ASB18: variants seen among roughly 807,000 people sequenced by gnomAD.
ASB18 encodes the protein ankyrin repeat and SOCS box containing 18.
ASB18 carries 33 observed loss-of-function variants against 33.4 expected under a neutral mutation model. That is an observed-to-expected ratio of 0.99 (90% confidence interval 0.75 to 1.32). The LOEUF (loss-of-function observed/expected upper bound fraction) is 1.32. ASB18 is among the 40% of genes most tolerant of loss of function. The pLI is 0.00. For missense variants in ASB18, 694 were observed against 655.5 expected (o/e 1.06, Z -0.64); for synonymous variants, 295 against 307.6 (o/e 0.96, Z 0.43).
chr2:236,237,716 T>TGCAGAGGC lies in ASB18; in HGVS notation c.561_568dup (p.His190ArgfsTer70). ...GAGCGAGGCGGCCGTGCGGCAGAGG[T>TGCAGAGGC]GCAGAGGCGCCAGGCCCTCGGCGCT... On this transcript the variant is annotated frameshift_variant, in exon 3 of 6. Transcript: ENST00000409749. LOFTEE classifies it high-confidence loss of function. The surrounding 1 kb of genome is among the most constrained non-coding windows in gnomAD (Gnocchi z 6.2). 1 of 1,459,008 alleles carries TGCAGAGGC rather than the reference T, an allele frequency of 6.9e-7. No individual in the cohort carries two copies. Among genetic ancestry groups the TGCAGAGGC allele is most frequent in the Middle Eastern group, 2.4e-4 (1 of 4,106 alleles). 90.4% of individuals were successfully genotyped at this position (1,459,008 alleles called of 1,614,324 possible). A position where few individuals can be genotyped will look rare whatever the true frequency, so the allele number is the denominator to read the frequency against.
At position 236,203,252 on chromosome 2, in the gene ASB18, G is replaced by A. The variant is rs75272412; in HGVS notation, c.1102-6867C>T. 0.027 allele frequency among the ~76,000 whole-genome samples: 4,152 copies of A among 152,254 alleles called. 179 individuals are homozygous for A. Among genetic ancestry groups the A allele is most frequent in the African/African-American group, 0.086 (3,568 of 41,528 alleles). ...TGGTCATATGAGGGGGAGTTCAGGG[G>A]AAGATTTCTGGAAGAAGTGACATCC... On this transcript the variant is annotated intron_variant, in intron 4 of 5. Coordinates refer to ENST00000409749, the MANE Select transcript of ASB18 (RefSeq NM_212556.4). This position sits in a 1 kb window ranked among gnomAD's most constrained non-coding sequence, Gnocchi z 6.0.
chr2:236,200,028 A>G lies in ASB18; in HGVS notation c.1102-3643T>C, dbSNP rs147404203. Among the ~76,000 whole-genome samples, 1 of 152,282 alleles carries G rather than the reference A, an allele frequency of 6.6e-6. No individual in the cohort carries two copies. Among genetic ancestry groups the G allele is most frequent in the East Asian group, 1.9e-4 (1 of 5,178 alleles). ...ATTTTAAAGAAATTTAGCATTGCAT[A>G]GATAACAGTCAAGGTCCATTAGAAA... On this transcript the variant is annotated intron_variant, in intron 4 of 5. Coordinates refer to ENST00000409749, the MANE Select transcript of ASB18 (RefSeq NM_212556.4). This position sits in a 1 kb window ranked among gnomAD's most constrained non-coding sequence, Gnocchi z 4.2.
chr2:236,196,993 C>CT lies in ASB18; in HGVS notation c.1102-609dup, dbSNP rs879923944. On this transcript the variant is annotated intron_variant, in intron 4 of 5. Coordinates refer to ENST00000409749, the MANE Select transcript of ASB18 (RefSeq NM_212556.4). The surrounding 1 kb of genome is among the most constrained non-coding windows in gnomAD (Gnocchi z 5.6). ...ACACTATTTGCTTTTAAAAAATAAA[C>CT]TTTTTTTTGTTATGGAGAAGTTTGA... Among the ~76,000 whole-genome samples the CT allele has an allele frequency of 2.7e-3, 411 of 152,146 alleles. 2 individuals are homozygous for CT. The highest frequency in any genetic ancestry group is 7.2e-3 in the African/African-American group (297 of 41,528).
chr2:236,204,413 C>T lies in ASB18; in HGVS notation c.1102-8028G>A, dbSNP rs1054794642. Among the ~76,000 whole-genome samples, 3 of 152,190 alleles carry T rather than the reference C, an allele frequency of 2.0e-5. No homozygotes were observed. The highest frequency in any genetic ancestry group is 2.1e-4 in the South Asian group (1 of 4,824). ...GTTTCCTTAGCTGCTGTCTCATCTC[C>T]GTCCTTCAGATGTTCGACCATCCCT... On this transcript the variant is annotated intron_variant, in intron 4 of 5. Coordinates refer to ENST00000409749, the MANE Select transcript of ASB18 (RefSeq NM_212556.4). The surrounding 1 kb of genome is among the most constrained non-coding windows in gnomAD (Gnocchi z 5.1).
rs528844782 is a variant in ASB18 at position 236,244,360 on chromosome 2, C to T, written c.206-2958G>A. ...CTAAGCAGACCCTCGCCCAGGGAGG[C>T]GGGCATAGCATAAGCCCCCATTTGC... On this transcript the variant is annotated intron_variant, in intron 1 of 5. Coordinates refer to ENST00000409749, the MANE Select transcript of ASB18 (RefSeq NM_212556.4). This position sits in a 1 kb window ranked among gnomAD's most constrained non-coding sequence, Gnocchi z 6.1. Among the ~76,000 whole-genome samples, 11 of 152,310 alleles carry T rather than the reference C, an allele frequency of 7.2e-5. No homozygotes were observed. The highest frequency in any genetic ancestry group is 1.2e-4 in the African/African-American group (5 of 41,556).
intron 4 of ASB18, among the ~76,000 whole-genome samples, chr2:236,212,319 C>A (rs2060462319): frequency 6.6e-6 from 1 of 152,176 alleles, no homozygotes; most frequent in Non-Finnish European, 1.5e-5. Context: ...CTTTGTCCTG[C>A]ATCTCTAGTC....
At position 236,253,739 on chromosome 2, in the gene ASB18, A is replaced by C. The variant is rs890559250; in HGVS notation, c.205+10402T>G. 4 of 152,194 alleles carry C rather than the reference A, an allele frequency of 2.6e-5. No individual in the cohort carries two copies. Among genetic ancestry groups the C allele is most frequent in the Non-Finnish European group, 5.9e-5 (4 of 68,036 alleles). The allele number at this position is 152,194 out of a possible 1,614,324, so 9.4% of individuals were successfully genotyped here. ...TTAGTTACCGGCAAAAATAAAACCG[A>C]AAAACGACAGGTAATTACAAGTCTG... is the stretch of plus-strand genomic sequence containing the variant. On this transcript the variant is annotated intron_variant, in intron 1 of 5. Coordinates refer to ENST00000409749, the MANE Select transcript of ASB18 (RefSeq NM_212556.4). The surrounding 1 kb of genome is among the most constrained non-coding windows in gnomAD (Gnocchi z 5.4).
rs1187742881 is a variant in ASB18 at position 236,217,224 on chromosome 2, A to G, written c.597-2358T>C. On this transcript the variant is annotated intron_variant, in intron 3 of 5. Coordinates refer to ENST00000409749, the MANE Select transcript of ASB18 (RefSeq NM_212556.4). The surrounding 1 kb of genome is among the most constrained non-coding windows in gnomAD (Gnocchi z 5.2). ...GGAGTTTGAGAACAGCCTGGCCAACATGGTGAAAACCCATCTCTACTAAAA... is the reference window on the plus strand; with the variant it reads ...GGAGTTTGAGAACAGCCTGGCCAACGTGGTGAAAACCCATCTCTACTAAAA... 6.6e-6 allele frequency among the ~76,000 whole-genome samples: 1 copy of G among 152,148 alleles called. No homozygotes were observed. The highest frequency in any genetic ancestry group is 1.9e-4 in the East Asian group (1 of 5,168).
In ASB18 at chr2:236,250,856, A is replaced by C. The variant is rs1475354508; in HGVS notation, c.206-9454T>G. ...GTTAGTCACATAGACATTAATATCA[A>C]AAATGTTAAAGTATCTCAACCTCCT... On this transcript the variant is annotated intron_variant, in intron 1 of 5. Transcript: ENST00000409749. The surrounding 1 kb of genome is among the most constrained non-coding windows in gnomAD (Gnocchi z 4.1). The C allele has an allele frequency of 6.6e-6, 1 of 152,246 alleles. No individual in the cohort carries two copies. The highest frequency in any genetic ancestry group is 1.5e-5 in the Non-Finnish European group (1 of 68,048). 9.4% of individuals were successfully genotyped at this position (152,246 alleles called of 1,614,324 possible).
At chr2:236,240,447 C>T (rs1246250590) in intron 2 of ASB18, among the ~76,000 whole-genome samples, 3 of 152,246 alleles carry the variant, frequency 2.0e-5, no homozygotes, top group African/African-American at 4.8e-5. Context: ...CACTGGCCGC[C>T]GGCCACTGAC....
In ASB18 at chr2:236,260,907, A is replaced by G. The variant is rs1308062776; in HGVS notation, c.205+3234T>C. Among the ~76,000 whole-genome samples the G allele has an allele frequency of 6.6e-6, 1 of 152,172 alleles. No individual in the cohort carries two copies. Among genetic ancestry groups the G allele is most frequent in the Non-Finnish European group, 1.5e-5 (1 of 68,018 alleles). ...TCCCACCATGGAGCTCTTCTCAGGA[A>G]GCTTGTGGGTCTCTGTGTGGGAAGC... On this transcript the variant is annotated intron_variant, in intron 1 of 5. Coordinates refer to ENST00000409749, the MANE Select transcript of ASB18 (RefSeq NM_212556.4). The surrounding 1 kb of genome is among the most constrained non-coding windows in gnomAD (Gnocchi z 5.1).
rs763282505 is a variant in ASB18 at position 236,194,941 on chromosome 2, G to T, written c.1332C>A (p.Ile444=). Residue 444 remains isoleucine (I), a synonymous_variant, in exon 6 of 6, where the codon ATC becomes ATA. Transcript: ENST00000409749. This position sits in a 1 kb window ranked among gnomAD's most constrained non-coding sequence, Gnocchi z 4.5. ...RLFGKRCFDL[I]PLLPLPKPLQ... Reference sequence around the variant, plus strand: ...GGGGCTTTGGCAAGGGTAACAGGGGGATGAGGTCAAAGCACCTTTTGCCAA... The same window carrying T: ...GGGGCTTTGGCAAGGGTAACAGGGGTATGAGGTCAAAGCACCTTTTGCCAA... 6.2e-7 allele frequency: 1 copy of T among 1,613,888 alleles called. No individual in the cohort carries two copies. The highest frequency in any genetic ancestry group is 8.5e-7 in the Non-Finnish European group (1 of 1,179,854).
rs2060596926 is a variant in ASB18 at position 236,237,307 on chromosome 2, C to T, written c.596+382G>A. On this transcript the variant is annotated intron_variant, in intron 3 of 5. Coordinates refer to ENST00000409749, the MANE Select transcript of ASB18 (RefSeq NM_212556.4). The surrounding 1 kb of genome is among the most constrained non-coding windows in gnomAD (Gnocchi z 6.2). ...ACCTCGGCGTGGCGCCTCCCGCGCG[C>T]GCTCGCAATCAAGCGCTAATTAAAC... Among the ~76,000 whole-genome samples the T allele has an allele frequency of 6.6e-6, 1 of 151,128 alleles. No individual in the cohort carries two copies. Among genetic ancestry groups the T allele is most frequent in the East Asian group, 1.9e-4 (1 of 5,150 alleles).
At chr2:236,258,080 G>A (rs939932073) in intron 1 of ASB18, among the ~76,000 whole-genome samples, 2 of 152,190 alleles carry the variant, frequency 1.3e-5, no homozygotes, top group Non-Finnish European at 2.9e-5. Context: ...CTTAATCTGT[G>A]CATATGAGTT....
Position 236,229,723 on chromosome 2 carries a change from C to T in ASB18, c.596+7966G>A, listed in dbSNP as rs569378665. ...TGGTGTGGTGGCATGCACCTGTAAT[C>T]CCAGCTATCTGGGAGGCTGAGGCAG... On this transcript the variant is annotated intron_variant, in intron 3 of 5. Transcript: ENST00000409749. The surrounding 1 kb of genome is among the most constrained non-coding windows in gnomAD (Gnocchi z 5.2). 1.8e-4 allele frequency among the ~76,000 whole-genome samples: 27 copies of T among 152,214 alleles called. No individual in the cohort carries two copies. The highest frequency in any genetic ancestry group is 2.8e-4 in the Non-Finnish European group (19 of 68,024).
In ASB18 at chr2:236,193,964, G is replaced by A. The variant is rs116744473; in HGVS notation, c.*908C>T. 5.1e-3 allele frequency among the ~76,000 whole-genome samples: 783 copies of A among 152,210 alleles called. 9 individuals carry two copies. The highest frequency in any genetic ancestry group is 0.018 in the African/African-American group (755 of 41,526). On this transcript the variant is annotated 3_prime_UTR_variant, in exon 6 of 6. Transcript: ENST00000409749. This position sits in a 1 kb window ranked among gnomAD's most constrained non-coding sequence, Gnocchi z 5.0. ...GTGTGGGGGTGTGTGAGCACCCTGC[G>A]ATGGAATAGCACCCCGTCCAGGCCT...
At chr2:236,240,761 C>T (rs1213859725) in intron 2 of ASB18, among the ~76,000 whole-genome samples, 1 of 152,210 alleles carries the variant, frequency 6.6e-6, no homozygotes, top group Admixed American at 6.5e-5. Context: ...TGGTTTCTTC[C>T]TTTTTCCTTC....
chr2:236,261,158 C>T (rs565562285), intron 1 of ASB18, among the ~76,000 whole-genome samples: 2 of 152,306 alleles, frequency 1.3e-5, no homozygotes, highest in Admixed American at 6.5e-5. Context: ...AGATGATCCA[C>T]ACCAATCCCC....
chr2:236,237,120 G>T lies in ASB18; in HGVS notation c.596+569C>A, dbSNP rs547982719. 2.0e-5 allele frequency among the ~76,000 whole-genome samples: 3 copies of T among 152,154 alleles called. No individual in the cohort carries two copies. The highest frequency in any genetic ancestry group is 7.2e-5 in the African/African-American group (3 of 41,456). On this transcript the variant is annotated intron_variant, in intron 3 of 5. Transcript: ENST00000409749. This position sits in a 1 kb window ranked among gnomAD's most constrained non-coding sequence, Gnocchi z 6.2. ...CCGGCACAGCTCCGCTTCCGAGCGG[G>T]CCTGGAAGCCCCGCCCGAGGAGCTA... is the stretch of plus-strand genomic sequence containing the variant.
Sources: allele counts gnomAD v4.1 joint callset (sites outside exome capture counted in the v4.1 genomes callset), GRCh38; gene constraint gnomAD v4.1.1; non-coding constraint Gnocchi (gnomAD v3.1); transcripts MANE v1.5; gene names NCBI Gene and HGNC (gene_info 2026-07-23, HGNC 2026-07-21).